CPSF1: variants seen among roughly 807,000 people sequenced by gnomAD.
CPSF1 encodes cleavage and polyadenylation specificity factor subunit 1.
A neutral mutation model predicts 175.8 loss-of-function variants in CPSF1; 106 were observed. The observed-to-expected ratio is 0.60, with a 90% CI of 0.52 to 0.71. The LOEUF is 0.71. CPSF1 is among the 30% of genes least tolerant of loss of function. The pLI, the probability that CPSF1 is intolerant of heterozygous loss-of-function variation, is 0.00. For missense variants in CPSF1, 1,734 were observed against 2,022.9 expected (o/e 0.86, Z 2.74); for synonymous variants, 1,024 against 858.3 (o/e 1.19, Z -3.37).
In CPSF1 at chr8:144,401,541, C is replaced by T. The variant is rs2116885495; in HGVS notation, c.195G>A (p.Lys65=). ...RSTEGKAHRE[K]LELAASFSFF... ...AGGAGAAGGAGGCAGCAAGCTCGAGCTTCTCCCGGTGGGCCTTCCCCTCTA... is the reference window on the plus strand; with the variant it reads ...AGGAGAAGGAGGCAGCAAGCTCGAGTTTCTCCCGGTGGGCCTTCCCCTCTA... Residue 65 remains lysine, a synonymous_variant, in exon 4 of 38, where the codon AAG becomes AAA. Transcript: ENST00000616140. 12 of 1,613,750 alleles carry T rather than the reference C, an allele frequency of 7.4e-6. No individual in the cohort carries two copies. Among genetic ancestry groups the T allele is most frequent in the African/African-American group, 6.7e-5 (5 of 74,930 alleles).
intron 9 of CPSF1, 32 bp downstream of exon 9, chr8:144,400,134 G>GCAC (rs782373475): frequency 2.7e-5 from 26 of 966,544 alleles, no homozygotes; most frequent in Non-Finnish European, 3.3e-5. Flanking sequence ...GCCGTCCCCG[G>GCAC]GCCCCCCCCG....
In CPSF1 at chr8:144,409,132, A is replaced by G. The variant is rs2116913393; in HGVS notation, c.27T>C (p.His9=). 6.2e-7 allele frequency: 1 copy of G among 1,612,692 alleles called. No homozygotes were observed. Among genetic ancestry groups the G allele is most frequent in the Non-Finnish European group, 8.5e-7 (1 of 1,179,570 alleles). Residue 9 remains histidine (H), a synonymous_variant, in exon 2 of 38, where the codon CAT becomes CAC. Transcript: ENST00000616140. ...TGGAGAACTCCAGACCGGTGGGCGG[A>G]TGCGCCTGTTTGTACACGGCGTACA... MYAVYKQA[H]PPTGLEFSMY... is the part of the protein sequence containing the mutation.
chr8:144,393,713 T>C lies in CPSF1; in HGVS notation c.4099A>G (p.Thr1367Ala). 2.6e-6 allele frequency: 4 copies of C among 1,567,218 alleles called. No individual in the cohort carries two copies. Among genetic ancestry groups the C allele is most frequent in the Non-Finnish European group, 2.6e-6 (3 of 1,163,332 alleles). ...RRLLMLQNALTTMLPHHAGLN... is the reference protein window; with the variant it reads ...RRLLMLQNALATMLPHHAGLN... ...CCGGCGTGGTGTGGCAGCATGGTGG[T>C]CAGCGCGTTCTGCAGCATCAGCAGC... The change falls in exon 36 of 38, where the codon ACC becomes GCC. Residue 1367 changes from threonine to alanine, a missense_variant. Thr to Ala is a moderately conservative substitution (Grantham distance 58). Transcript: ENST00000616140.
intron 2 of CPSF1, among the ~76,000 whole-genome samples, chr8:144,407,767 G>T (rs2116909282): frequency 6.6e-6 from 1 of 152,258 alleles, no homozygotes; most frequent in Non-Finnish European, 1.5e-5. Flanking sequence ...GGCCAGTCCT[G>T]AACTCCTGGC....
chr8:144,395,075 C>G (rs1554863164), intron 29 of CPSF1, 23 bp downstream of exon 29: 2 of 1,603,590 alleles, frequency 1.2e-6, no homozygotes, highest in Admixed American at 3.4e-5. Flanking sequence ...GGGCAGACCC[C>G]ACCCCCGCCG....
rs1301373793 is a variant in CPSF1 at position 144,401,567 on chromosome 8, G to T, written c.173-4C>A. 6.2e-7 allele frequency: 1 copy of T among 1,613,306 alleles called. No homozygotes were observed. The highest frequency in any genetic ancestry group is 8.5e-7 in the Non-Finnish European group (1 of 1,179,802). On this transcript the variant is annotated splice_polypyrimidine_tract_variant and splice_region_variant and intron_variant, in intron 3 of 37. Transcript: ENST00000616140. ...TTCTCCCGGTGGGCCTTCCCCTCTA[G>T]GGGAGACACCAGGGCTCAGGGTCAG...
In CPSF1 at chr8:144,394,407, T is replaced by G; in HGVS notation, c.3716A>C (p.Glu1239Ala). Reference sequence around the variant, plus strand: ...CGACACCAGGCTCAGCGTCTTGCTTTCCTCCTGGTAGCGCAGCAGCGAAAT... The same window carrying G: ...CGACACCAGGCTCAGCGTCTTGCTTGCCTCCTGGTAGCGCAGCAGCGAAAT... ...KSISLLRYQEESKTLSLVSRD... is the reference protein window; with the variant it reads ...KSISLLRYQEASKTLSLVSRD... The change falls in exon 32 of 38, where the codon GAA becomes GCA. Residue 1239 changes from glutamate (E) to alanine (A), a missense_variant. Around this residue, in one of 10 missense-constraint regions of CPSF1, gnomAD observed 323 missense variants for 338.5 expected, o/e 0.95. Coordinates refer to ENST00000616140, the MANE Select transcript of CPSF1 (RefSeq NM_013291.3). 1 of 1,609,462 alleles carries G rather than the reference T, an allele frequency of 6.2e-7. No homozygotes were observed. Among genetic ancestry groups the G allele is most frequent in the Non-Finnish European group, 8.5e-7 (1 of 1,178,440 alleles).
At chr8:144,404,147 C>T (rs1292026046) in intron 2 of CPSF1, among the ~76,000 whole-genome samples, 3 of 151,598 alleles carry the variant, frequency 2.0e-5, no homozygotes, top group African/African-American at 7.3e-5. Flanking sequence ...CGCTTGAATC[C>T]GGGAGGCGGA....
intron 9 of CPSF1, 30 bp from the exon 10 acceptor site, chr8:144,400,115 C>T (rs1201871427): frequency 5.1e-6 from 8 of 1,558,104 alleles, no homozygotes; most frequent in Non-Finnish European, 7.0e-6. Flanking sequence ...GCCGACTAGG[C>T]AGGCCCAAGC....
At position 144,397,782 on chromosome 8, in the gene CPSF1, C is replaced by T. The variant is rs375349380; in HGVS notation, c.2171G>A (p.Arg724His). Residue 724 changes from arginine (R) to histidine (H), a missense_variant, in exon 21 of 38, where the codon CGC becomes CAC. Around this residue, in one of 10 missense-constraint regions of CPSF1, gnomAD observed 585 missense variants for 584.7 expected, o/e 1.00. Coordinates refer to ENST00000616140, the MANE Select transcript of CPSF1 (RefSeq NM_013291.3). ...CAGGCCCTCGGCCTCCGGGCCACTGCGGCCCCCGAGCTCGTCACGGGCCCC... is the reference window on the plus strand; with the variant it reads ...CAGGCCCTCGGCCTCCGGGCCACTGTGGCCCCCGAGCTCGTCACGGGCCCC... The part of the protein sequence containing the change: ...LGGARDELGG[R>H]SGPEAEGLGS... 2.7e-5 allele frequency: 44 copies of T among 1,608,004 alleles called. No individual in the cohort carries two copies. In the African/African-American group the frequency reaches 3.6e-4, roughly 13 times the overall value.
At position 144,395,026 on chromosome 8, in the gene CPSF1, G is replaced by A; in HGVS notation, c.3273-3C>T. Reference sequence around the variant, plus strand: ...GCTCCCACTCCTGCAGCTCGATCCTGTGGGGGCCAGGGGCCTCAGGATGCT... The same window carrying A: ...GCTCCCACTCCTGCAGCTCGATCCTATGGGGGCCAGGGGCCTCAGGATGCT... On this transcript the variant is annotated splice_polypyrimidine_tract_variant and splice_region_variant and intron_variant, in intron 29 of 37. Coordinates refer to ENST00000616140, the MANE Select transcript of CPSF1 (RefSeq NM_013291.3). 2 of 1,607,650 alleles carry A rather than the reference G, an allele frequency of 1.2e-6. No homozygotes were observed. The highest frequency in any genetic ancestry group is 2.2e-5 in the East Asian group (1 of 44,772).
At chr8:144,401,700 T>C (rs1821219574) in intron 2 of CPSF1, 27 bp from the exon 3 acceptor site, 1 of 1,593,962 alleles carries the variant, frequency 6.3e-7, no homozygotes, top group Admixed American at 1.8e-5. Flanking sequence ...GACAGGGCAG[T>C]GAGGGGCCAC....
At chr8:144,396,265 TG>T in intron 26 of CPSF1, 82 bp downstream of exon 26, 1 of 1,383,210 alleles carries the variant, frequency 7.2e-7, no homozygotes, top group Non-Finnish European at 9.9e-7. Context: ...GTGGAGCCAA[TG>T]GTCCCTTCTC....
At chr8:144,397,156 G>A (rs782744636) in intron 23 of CPSF1, 51 bp downstream of exon 23, 19 of 1,484,454 alleles carry the variant, frequency 1.3e-5, no homozygotes, top group South Asian at 7.5e-5. Flanking sequence ...TGGGGGAACG[G>A]GCAGGGCCAG....
Position 144,395,290 on chromosome 8 carries a change from C to A in CPSF1, c.3162G>T (p.Glu1054Asp). The change falls in exon 28 of 38, where the codon GAG (glutamate) becomes GAT (aspartate). Residue 1054 changes from glutamate (E) to aspartate (D), a missense_variant. Around this residue, in one of 10 missense-constraint regions of CPSF1, gnomAD observed 585 missense variants for 584.7 expected, o/e 1.00. Coordinates refer to ENST00000616140, the MANE Select transcript of CPSF1 (RefSeq NM_013291.3). ...CTCTCTCGATGGTCTCAAACTCCTT[C>A]TCCTCGCCAGTCATGCGTGGGATGC... is the stretch of plus-strand genomic sequence containing the variant. ...CARIPRMTGE[E>D]KEFETIERDE... 1 of 1,613,358 alleles carries A rather than the reference C, an allele frequency of 6.2e-7. No individual in the cohort carries two copies. The highest frequency in any genetic ancestry group is 8.5e-7 in the Non-Finnish European group (1 of 1,179,958).
chr8:144,403,139 C>T (rs11780973), intron 2 of CPSF1, among the ~76,000 whole-genome samples: 9 of 150,756 alleles, frequency 6.0e-5, no homozygotes, highest in Non-Finnish European at 8.8e-5. Context: ...CTTTGTTGCC[C>T]AGGCTGGAGT....
Position 144,401,515 on chromosome 8 carries a change from A to G in CPSF1, c.221T>C (p.Phe74Ser), listed in dbSNP as rs2116885195. 8.1e-6 allele frequency: 13 copies of G among 1,613,858 alleles called. No homozygotes were observed. The highest frequency in any genetic ancestry group is 1.6e-4 in the Middle Eastern group (1 of 6,084). ...EKLELAASFS[F>S]FGNVMSMASV... ...GGCCATGGACATGACGTTGCCAAAG[A>G]AGGAGAAGGAGGCAGCAAGCTCGAG... The change falls in exon 4 of 38, where the codon TTC (phenylalanine) becomes TCC (serine). Residue 74 changes from phenylalanine to serine, a missense_variant. Phe to Ser is a radical substitution (Grantham distance 155). Coordinates refer to ENST00000616140, the MANE Select transcript of CPSF1 (RefSeq NM_013291.3).
Position 144,394,422 on chromosome 8 carries a change from A to G in CPSF1, c.3701T>C (p.Leu1234Pro), listed in dbSNP as rs782429373. 1 of 1,608,708 alleles carries G rather than the reference A, an allele frequency of 6.2e-7. No individual in the cohort carries two copies. The highest frequency in any genetic ancestry group is 1.7e-5 in the Admixed American group (1 of 59,210). Residue 1234 changes from leucine to proline, a missense_variant, in exon 32 of 38, where the codon CTG (leucine) becomes CCG (proline). By Grantham distance (98) the Leu-to-Pro change is moderately conservative. Coordinates refer to ENST00000616140, the MANE Select transcript of CPSF1 (RefSeq NM_013291.3). ...AADVMKSISLLRYQEESKTLS... is the reference protein window; with the variant it reads ...AADVMKSISLPRYQEESKTLS... Reference sequence around the variant, plus strand: ...CGTCTTGCTTTCCTCCTGGTAGCGCAGCAGCGAAATGCTCTTCATGACGTC... The same window carrying G: ...CGTCTTGCTTTCCTCCTGGTAGCGCGGCAGCGAAATGCTCTTCATGACGTC...
At chr8:144,401,371 G>A in intron 4 of CPSF1, 59 bp downstream of exon 4, 1 of 1,612,120 alleles carries the variant, frequency 6.2e-7, no homozygotes. Context: ...GCTGTACCCA[G>A]GCCCTGGCAC....
Sources: gnomAD v4.1 joint callset for allele counts (sites outside exome capture counted in the v4.1 genomes callset) on GRCh38, gnomAD v4.1.1 for gene constraint, gnomAD v4.1.1 regional missense constraint, MANE v1.5 for transcripts, NCBI Gene and HGNC (gene_info 2026-07-23, HGNC 2026-07-21) for gene names.